SNTB1: variants seen among roughly 807,000 people sequenced by gnomAD.
SNTB1 encodes beta-1-syntrophin.
In SNTB1, 36 loss-of-function variants were observed where a neutral mutation model predicts 48.9. The ratio of observed to expected loss-of-function variants is 0.74; its 90% confidence interval spans 0.56 to 0.97. SNTB1 has a LOEUF of 0.97. Among genes scored for constraint, SNTB1 ranks in the 50% least tolerant of loss-of-function variants. SNTB1 has a pLI of 0.00. For synonymous variants in SNTB1, 299 were observed against 294.6 expected (o/e 1.01, Z -0.15); for missense variants, 786 against 703.4 (o/e 1.12, Z -1.33).
intron 1 of SNTB1, among the ~76,000 whole-genome samples, chr8:120,695,535 T>C (rs1422488850): frequency 6.6e-6 from 1 of 152,090 alleles, no homozygotes; most frequent in Non-Finnish European, 1.5e-5. Context: ...GAAACCCACC[T>C]AAGATAGGAC....
intron 4 of SNTB1, among the ~76,000 whole-genome samples, chr8:120,556,977 A>G (rs941522010): frequency 6.6e-6 from 1 of 152,202 alleles, no homozygotes; most frequent in Non-Finnish European, 1.5e-5. Flanking sequence ...AGAACCCAAT[A>G]CTTGAGTTCT....
At chr8:120,583,560 C>CACAAAAAA (rs1466831833) in intron 3 of SNTB1, among the ~76,000 whole-genome samples, 5 of 134,712 alleles carry the variant, frequency 3.7e-5, no homozygotes, top group African/African-American at 1.1e-4. Flanking sequence ...CACACACACA[C>CACAAAAAA]AAAACTGGAA....
intron 1 of SNTB1, among the ~76,000 whole-genome samples, chr8:120,719,563 G>A (rs949919339): frequency 3.3e-5 from 5 of 152,128 alleles, no homozygotes; most frequent in African/African-American, 4.8e-5. Flanking sequence ...GATCTGATGG[G>A]TATCCTTGCC....
chr8:120,795,241 G>A (rs919107148), intron 1 of SNTB1, among the ~76,000 whole-genome samples: 3 of 145,514 alleles, frequency 2.1e-5, no homozygotes, highest in African/African-American at 5.5e-5. Flanking sequence ...AGCAAGTGGA[G>A]AAGTTAAAAA....
At chr8:120,762,934 C>T (rs188537628) in intron 1 of SNTB1, among the ~76,000 whole-genome samples, 88 of 152,202 alleles carry the variant, frequency 5.8e-4, no homozygotes, top group African/African-American at 2.0e-3. Context: ...TTTAAGAGTG[C>T]CTGTCAAGAA....
chr8:120,789,287 T>C (rs1328914656), intron 1 of SNTB1, among the ~76,000 whole-genome samples: 1 of 148,658 alleles, frequency 6.7e-6, no homozygotes, highest in East Asian at 2.0e-4. Flanking sequence ...ATCCAGAGAG[T>C]TTGAAAGATC....
At chr8:120,744,978 G>A (rs142781963) in intron 1 of SNTB1, among the ~76,000 whole-genome samples, 5 of 152,198 alleles carry the variant, frequency 3.3e-5, no homozygotes, top group African/African-American at 7.2e-5. Context: ...CAAATCCATC[G>A]TCTTTCTTGA....
chr8:120,716,176 A>G (rs1262096562), intron 1 of SNTB1, among the ~76,000 whole-genome samples: 2 of 152,228 alleles, frequency 1.3e-5, no homozygotes, highest in Admixed American at 6.5e-5. Flanking sequence ...GTATACATAA[A>G]TGAATGAATG....
At chr8:120,614,211 C>T (rs892764741) in intron 3 of SNTB1, among the ~76,000 whole-genome samples, 1 of 152,170 alleles carries the variant, frequency 6.6e-6, no homozygotes, top group African/African-American at 2.4e-5. Flanking sequence ...GTTTTCTCAT[C>T]TGTAATATGA....
rs1315793804 is a variant in SNTB1, at chr8:120,542,243, G to T, written c.1334-243C>A. Reference sequence around the variant, plus strand: ...GAAATTCCTTTTTCTAGGATCTACTGAATGTTATCTGGGTTCTAGTCCTTA... The same window carrying T: ...GAAATTCCTTTTTCTAGGATCTACTTAATGTTATCTGGGTTCTAGTCCTTA... On this transcript the variant is annotated intron_variant, in intron 5 of 6. Transcript: ENST00000517992. 1.9e-5 allele frequency: 8 copies of T among 427,288 alleles called. No homozygotes were observed. The Admixed American group carries it at 3.1e-4, about 17-fold the overall frequency. The allele number at this position is 427,288 out of a possible 1,614,324, so 26.5% of individuals were successfully genotyped here. A position where few individuals can be genotyped will look rare whatever the true frequency, so the allele number is the denominator to read the frequency against.
At chr8:120,590,986 C>T (rs1816231936) in intron 3 of SNTB1, among the ~76,000 whole-genome samples, 1 of 152,140 alleles carries the variant, frequency 6.6e-6, no homozygotes, top group Non-Finnish European at 1.5e-5. Flanking sequence ...TGCCCTGCCT[C>T]ATTATAGGCT....
At chr8:120,576,041 G>A (rs976744581) in intron 3 of SNTB1, among the ~76,000 whole-genome samples, 9 of 152,014 alleles carry the variant, frequency 5.9e-5, no homozygotes, top group African/African-American at 1.9e-4. Flanking sequence ...CTTTAAGCTC[G>A]GTTTAAAAAC....
intron 4 of SNTB1, among the ~76,000 whole-genome samples, chr8:120,567,416 CTTTTTTTT>C (rs10699484): frequency 7.4e-6 from 1 of 134,720 alleles, no homozygotes; most frequent in Non-Finnish European, 1.6e-5. Flanking sequence ...GGTTGAGCTC[CTTTTTTTT>C]TTTTTTTTTT....
intron 1 of SNTB1, among the ~76,000 whole-genome samples, chr8:120,722,903 T>C (rs60204620): frequency 3.3e-5 from 5 of 152,214 alleles, no homozygotes; most frequent in Admixed American, 1.3e-4. Context: ...TTAATCCATC[T>C]TGAATTAATT....
Position 120,811,306 on chromosome 8 carries a change from A to G in SNTB1, c.538T>C (p.Leu180=), listed in dbSNP as rs1156857168. The change falls in exon 1 of 7, where the codon TTG becomes CTG. Residue 180 remains leucine (L), a synonymous_variant. Coordinates refer to ENST00000517992, the MANE Select transcript of SNTB1 (RefSeq NM_021021.4). ...AGCACTTCCTTGCCCGCGCGCTTCA[A>G]CGCCTGCACCGCCTCGTCGTGGGTG... ...DATHDEAVQA[L]KRAGKEVLLE... The G allele has an allele frequency of 1.2e-6, 2 of 1,608,238 alleles. No individual in the cohort carries two copies. The highest frequency in any genetic ancestry group is 1.7e-6 in the Non-Finnish European group (2 of 1,179,336).
At chr8:120,655,161 G>A in intron 2 of SNTB1, 7 of 219,732 alleles carry the variant, frequency 3.2e-5, no homozygotes, top group East Asian at 1.5e-4. Context: ...AGCGTAATCA[G>A]GAAAAAATTA....
At chr8:120,746,856 G>T (rs1238786203) in intron 1 of SNTB1, among the ~76,000 whole-genome samples, 1 of 152,096 alleles carries the variant, frequency 6.6e-6, no homozygotes, top group Non-Finnish European at 1.5e-5. Flanking sequence ...AAATGTGCAT[G>T]GTGTTTAGTC....
At chr8:120,539,588 G>A (rs1279090626) in intron 6 of SNTB1, among the ~76,000 whole-genome samples, 1 of 152,232 alleles carries the variant, frequency 6.6e-6, no homozygotes, top group East Asian at 1.9e-4. Context: ...GCTTCTTGAT[G>A]TGTTCCTTGA....
At chr8:120,800,076 G>C (rs1302375494) in intron 1 of SNTB1, among the ~76,000 whole-genome samples, 1 of 152,014 alleles carries the variant, frequency 6.6e-6, no homozygotes, top group Non-Finnish European at 1.5e-5. Context: ...GTGTCCAAAA[G>C]ATGTTACTAC....
Sources: gnomAD v4.1 joint callset for allele counts (sites outside exome capture counted in the v4.1 genomes callset) on GRCh38, gnomAD v4.1.1 for gene constraint, MANE v1.5 for transcripts, NCBI Gene and HGNC (gene_info 2026-07-23, HGNC 2026-07-21) for gene names.